Variants in DLGAP1 observed in about 807,000 individuals in gnomAD.
The protein encoded by DLGAP1 is disks large-associated protein 1.
A neutral mutation model predicts 90.8 loss-of-function variants in DLGAP1; 11 were observed. That is an observed-to-expected ratio of 0.12 (90% CI 0.08 to 0.20). The LOEUF (loss-of-function observed/expected upper bound fraction) is 0.20, where lower values mean the gene tolerates loss of function less well. Among genes scored for constraint, DLGAP1 ranks in the 10% least tolerant of loss-of-function variants. The probability of loss-of-function intolerance (pLI) is 1.00; values close to 1 mark genes in which losing one functional copy is unlikely to be tolerated. For synonymous variants in DLGAP1, 558 were observed against 540.7 expected, an observed-to-expected ratio of 1.03 and a Z score of -0.44; for missense variants, 1,050 against 1,333.8, an observed-to-expected ratio of 0.79 and a Z score of 3.31.
At chr18:3,898,642 T>C (rs564982738) in intron 3 of DLGAP1, among the ~76,000 whole-genome samples, 4 of 152,294 alleles carry the variant, frequency 2.6e-5, no homozygotes, top group Admixed American at 6.5e-5. Flanking sequence ...AAGCTGACCT[T>C]GTGTGGTGCA....
At chr18:4,085,966 T>C (rs1457469437) in intron 2 of DLGAP1, among the ~76,000 whole-genome samples, 1 of 152,222 alleles carries the variant, frequency 6.6e-6, no homozygotes, top group African/African-American at 2.4e-5. Context: ...TTGGTTTGAC[T>C]TAATAAATTG....
At chr18:3,847,559 G>T (rs899022643) in intron 4 of DLGAP1, among the ~76,000 whole-genome samples, 2 of 152,146 alleles carry the variant, frequency 1.3e-5, no homozygotes, top group Non-Finnish European at 2.9e-5. Flanking sequence ...AATAAGATGA[G>T]GGGGAGAGCT....
chr18:3,576,340 A>G (rs965810371), intron 8 of DLGAP1, among the ~76,000 whole-genome samples: 2 of 150,864 alleles, frequency 1.3e-5, no homozygotes, highest in Admixed American at 6.6e-5. Flanking sequence ...GCTCACTGCA[A>G]CCTCCGCCTG....
rs375657622 is a variant in DLGAP1, at chr18:3,567,468, G to C, written c.2057+22C>G. 12 of 1,584,948 alleles carry C rather than the reference G, an allele frequency of 7.6e-6. No individual in the cohort carries two copies. The African/African-American group carries it at 1.6e-4, about 21-fold the overall frequency. ...TACTTCAAAACATCAAGACAAAAGA[G>C]GATGCGTGCATGTGGACTTACCACT... On this transcript the variant is annotated intron_variant, in intron 9 of 12. Coordinates refer to ENST00000315677, the MANE Select transcript of DLGAP1 (RefSeq NM_004746.4).
chr18:3,937,698 T>G (rs747351376), intron 3 of DLGAP1, among the ~76,000 whole-genome samples: 3 of 152,200 alleles, frequency 2.0e-5, no homozygotes, highest in Non-Finnish European at 4.4e-5. Context: ...TATCACAAAA[T>G]TTATGTAATA....
intron 4 of DLGAP1, among the ~76,000 whole-genome samples, chr18:3,861,092 C>T (rs1452383313): frequency 6.6e-6 from 1 of 152,138 alleles, no homozygotes; most frequent in African/African-American, 2.4e-5. Context: ...TCTTTGAATT[C>T]CCATTTCCTA....
rs116535828 is a variant in DLGAP1, at chr18:3,637,736, G to A, written c.1592-55488C>T. On this transcript the variant is annotated intron_variant, in intron 7 of 12. Transcript: ENST00000315677. Reference sequence around the variant, plus strand: ...CAATCCAGCTTAGGCAACAAAGTGAGATACTGTCTCAAAAATTAAAAAAAA... The same window carrying A: ...CAATCCAGCTTAGGCAACAAAGTGAAATACTGTCTCAAAAATTAAAAAAAA... 5.4e-3 allele frequency among the ~76,000 whole-genome samples: 820 copies of A among 151,834 alleles called. 12 individuals carry two copies. Among genetic ancestry groups the A allele is most frequent in the African/African-American group, 0.018 (764 of 41,346 alleles).
intron 1 of DLGAP1, among the ~76,000 whole-genome samples, chr18:4,182,962 A>C (rs548268178): frequency 6.6e-6 from 1 of 152,306 alleles, no homozygotes; most frequent in South Asian, 2.1e-4. Flanking sequence ...AACACATTTC[A>C]GATAAGGGTA....
chr18:3,521,103 G>A (rs1455751364), intron 10 of DLGAP1, among the ~76,000 whole-genome samples: 2 of 152,118 alleles, frequency 1.3e-5, no homozygotes, highest in Non-Finnish European at 2.9e-5. Flanking sequence ...ACTCCACTGT[G>A]TACTGACCCC....
intron 9 of DLGAP1, among the ~76,000 whole-genome samples, chr18:3,539,047 T>C (rs934666664): frequency 6.6e-6 from 1 of 152,268 alleles, no homozygotes; most frequent in Non-Finnish European, 1.5e-5. Context: ...CAGGCAGCCC[T>C]GTCCAACCTG....
intron 1 of DLGAP1, among the ~76,000 whole-genome samples, chr18:4,168,579 A>G (rs2076971977): frequency 6.6e-6 from 1 of 152,132 alleles, no homozygotes; most frequent in African/African-American, 2.4e-5. Flanking sequence ...AGTCCTTGGT[A>G]ACCACTATTC....
chr18:3,691,696 G>A (rs1448266860), intron 7 of DLGAP1, among the ~76,000 whole-genome samples: 1 of 152,152 alleles, frequency 6.6e-6, no homozygotes, highest in Admixed American at 6.5e-5. Context: ...AGGATCACTT[G>A]AGCCCAGAAG....
At chr18:4,136,101 G>C (rs965353143) in intron 2 of DLGAP1, among the ~76,000 whole-genome samples, 6 of 151,768 alleles carry the variant, frequency 4.0e-5, no homozygotes, top group African/African-American at 1.2e-4. Context: ...CCACCTATGA[G>C]TGAGAACATG....
chr18:3,813,963 G>A, intron 5 of DLGAP1, 96 bp downstream of exon 5: 2 of 1,225,342 alleles, frequency 1.6e-6, no homozygotes, highest in Non-Finnish European at 1.2e-6. Flanking sequence ...CCTGTAGGAT[G>A]TTTCTGCCCC....
At chr18:4,166,697 C>T (rs1340026575) in intron 1 of DLGAP1, among the ~76,000 whole-genome samples, 2 of 152,164 alleles carry the variant, frequency 1.3e-5, no homozygotes, top group South Asian at 2.1e-4. Flanking sequence ...GTGGTATATT[C>T]GTATGAAGAA....
intron 3 of DLGAP1, among the ~76,000 whole-genome samples, chr18:3,937,543 T>C (rs1205411087): frequency 2.0e-5 from 3 of 152,118 alleles, no homozygotes; most frequent in African/African-American, 7.2e-5. Context: ...AGGTGAGATT[T>C]GGGTGGGGAT....
chr18:4,086,851 T>C (rs1371038562), intron 2 of DLGAP1, among the ~76,000 whole-genome samples: 1 of 151,888 alleles, frequency 6.6e-6, no homozygotes, highest in Non-Finnish European at 1.5e-5. Flanking sequence ...TATTACTTAC[T>C]GAGAGAGAAG....
At position 3,727,600 on chromosome 18, in the gene DLGAP1, G is replaced by C. The variant is rs989800938; in HGVS notation, c.1591+1535C>G. On this transcript the variant is annotated intron_variant, in intron 7 of 12. Transcript: ENST00000315677. The surrounding 1 kb of genome is among the most constrained non-coding windows in gnomAD (Gnocchi z 4.7). The stretch of plus-strand genomic sequence containing the variant: ...AACGGGTTGTGTGTTGGGTGGGGGT[G>C]GTGAAAATGGGACACACCAAAAGAC... 1.3e-5 allele frequency: 2 copies of C among 152,166 alleles called. No homozygotes were observed. The highest frequency in any genetic ancestry group is 4.8e-5 in the African/African-American group (2 of 41,444). 9.4% of individuals were successfully genotyped at this position (152,166 alleles called of 1,614,324 possible). A position where few individuals can be genotyped will look rare whatever the true frequency, so the allele number is the denominator to read the frequency against.
chr18:3,752,648 CTCCT>C (rs1363233278), intron 5 of DLGAP1, among the ~76,000 whole-genome samples: 2 of 142,918 alleles, frequency 1.4e-5, no homozygotes, highest in African/African-American at 5.2e-5. Context: ...CTCTCTCTCT[CTCCT>C]TCCTTTTTAC....
Sources: gnomAD v4.1 joint callset for allele counts (sites outside exome capture counted in the v4.1 genomes callset) on GRCh38, gnomAD v4.1.1 for gene constraint, Gnocchi (gnomAD v3.1) non-coding constraint, MANE v1.5 for transcripts, NCBI Gene and HGNC (gene_info 2026-07-23, HGNC 2026-07-21) for gene names.